Variants in PTPRN2 observed in about 807,000 individuals in gnomAD.
The protein encoded by PTPRN2 is receptor-type tyrosine-protein phosphatase N2.
PTPRN2 carries 74 observed loss-of-function variants against 118.8 expected under a neutral mutation model. The ratio of observed to expected loss-of-function variants is 0.62; its 90% CI spans 0.52 to 0.76. The LOEUF (loss-of-function observed/expected upper bound fraction) is 0.76, where lower values mean the gene tolerates loss of function less well. Among genes scored for constraint, PTPRN2 ranks in the 30% least tolerant of loss-of-function variants. The pLI is 0.00. For synonymous variants in PTPRN2, 641 were observed against 608.0 expected, an observed-to-expected ratio of 1.05 and a Z score of -0.80; for missense variants, 1,481 against 1,394.4, an observed-to-expected ratio of 1.06 and a Z score of -0.99.
intron 6 of PTPRN2, among the ~76,000 whole-genome samples, chr7:158,141,507 A>G (rs1484102713): frequency 2.0e-5 from 3 of 152,228 alleles, no homozygotes; most frequent in Non-Finnish European, 2.9e-5. Flanking sequence ...TCCAAACACA[A>G]GTGCCGATGG....
In PTPRN2 at chr7:157,742,732, C is replaced by T. The variant is rs1438012088; in HGVS notation, c.1789-59795G>A. Among the ~76,000 whole-genome samples the T allele has an allele frequency of 2.0e-5, 3 of 152,196 alleles. No individual in the cohort carries two copies. In the East Asian group the frequency reaches 5.8e-4, roughly 29 times the overall value. ...TTCTTTGTTTGAGCTTTGAACTCCTCACATAACCCCTTAACTGTCCTCTTG... is the reference window on the plus strand; with the variant it reads ...TTCTTTGTTTGAGCTTTGAACTCCTTACATAACCCCTTAACTGTCCTCTTG... On this transcript the variant is annotated intron_variant, in intron 12 of 22. Coordinates refer to ENST00000389418, the MANE Select transcript of PTPRN2 (RefSeq NM_002847.5).
At chr7:158,476,372 A>G (rs891156787) in intron 2 of PTPRN2, among the ~76,000 whole-genome samples, 1 of 152,258 alleles carries the variant, frequency 6.6e-6, no homozygotes, top group Non-Finnish European at 1.5e-5. Flanking sequence ...AAGCCACACC[A>G]GATAGCACCA....
At chr7:158,134,274 G>T (rs185591123) in intron 8 of PTPRN2, among the ~76,000 whole-genome samples, 1 of 152,022 alleles carries the variant, frequency 6.6e-6, no homozygotes, top group Admixed American at 6.5e-5. Flanking sequence ...AATCACTTAC[G>T]TGCTGTTTTC....
chr7:158,047,546 A>G (rs547903087), intron 11 of PTPRN2, among the ~76,000 whole-genome samples: 1 of 149,044 alleles, frequency 6.7e-6, no homozygotes, highest in African/African-American at 2.5e-5. Context: ...TGCGAGGGCT[A>G]CCTGCAGTCA....
Position 157,603,929 on chromosome 7 carries a change from C to T in PTPRN2, c.2418+73G>A. 1 of 1,430,782 alleles carries T rather than the reference C, an allele frequency of 7.0e-7. No homozygotes were observed. The highest frequency in any genetic ancestry group is 9.8e-7 in the Non-Finnish European group (1 of 1,020,238). 88.6% of individuals were successfully genotyped at this position (1,430,782 alleles called of 1,614,324 possible). ...TGGGGACGTGATTTCCCCCGAGAAC[C>T]TTCCCACGTGATTTGCCGCGTCCGT... On this transcript the variant is annotated intron_variant, in intron 16 of 22. Coordinates refer to ENST00000389418, the MANE Select transcript of PTPRN2 (RefSeq NM_002847.5). This position sits in a 1 kb window ranked among gnomAD's most constrained non-coding sequence, Gnocchi z 5.4.
intron 21 of PTPRN2, among the ~76,000 whole-genome samples, chr7:157,553,514 T>C (rs745376731): frequency 6.0e-4 from 91 of 152,308 alleles, no homozygotes; most frequent in Non-Finnish European, 9.0e-4. Flanking sequence ...ATAAAGTCTC[T>C]CTTATTTCAT....
At chr7:157,686,817 C>T (rs1222458195) in intron 12 of PTPRN2, among the ~76,000 whole-genome samples, 1 of 152,000 alleles carries the variant, frequency 6.6e-6, no homozygotes, top group African/African-American at 2.4e-5. Flanking sequence ...GGCAGGGGTG[C>T]GTCCCGGGTG....
intron 22 of PTPRN2, among the ~76,000 whole-genome samples, chr7:157,547,071 G>A (rs569476698): frequency 2.6e-5 from 4 of 152,302 alleles, no homozygotes; most frequent in South Asian, 4.1e-4. Flanking sequence ...GAACTCACCC[G>A]TCTGGAGGGA....
chr7:157,812,253 C>G (rs1215247529), intron 12 of PTPRN2, among the ~76,000 whole-genome samples: 1 of 152,160 alleles, frequency 6.6e-6, no homozygotes, highest in Admixed American at 6.5e-5. Context: ...GTGCTGGGAC[C>G]CTTGGGGCTT....
At chr7:158,385,543 C>T (rs560247307) in intron 2 of PTPRN2, among the ~76,000 whole-genome samples, 3 of 152,150 alleles carry the variant, frequency 2.0e-5, no homozygotes, top group Non-Finnish European at 4.4e-5. Context: ...AATTCCACAC[C>T]TTGTTTCATT....
intron 1 of PTPRN2, among the ~76,000 whole-genome samples, chr7:158,523,653 T>TGGAGG (rs1563393144): frequency 7.3e-6 from 1 of 136,368 alleles, no homozygotes; most frequent in Non-Finnish European, 1.6e-5. Flanking sequence ...GAGTCTGCCC[T>TGGAGG]GGAGTGGAGT....
intron 12 of PTPRN2, among the ~76,000 whole-genome samples, chr7:157,747,383 G>C (rs1223155875): frequency 7.5e-6 from 1 of 133,132 alleles, no homozygotes; most frequent in African/African-American, 2.9e-5. Flanking sequence ...TCCCTGAGCT[G>C]TGGGCTGTTG....
chr7:158,364,799 C>T (rs996583593), intron 2 of PTPRN2, among the ~76,000 whole-genome samples: 1 of 152,138 alleles, frequency 6.6e-6, no homozygotes, highest in Admixed American at 6.5e-5. Flanking sequence ...GGCATGTTTA[C>T]CTCTAAATAC....
At chr7:158,255,146 C>T (rs903911961) in intron 3 of PTPRN2, among the ~76,000 whole-genome samples, 9 of 152,178 alleles carry the variant, frequency 5.9e-5, no homozygotes, top group Non-Finnish European at 1.2e-4. Flanking sequence ...GGCTTCACGA[C>T]GTGTGAGCAA....
At chr7:157,730,632 C>T (rs1285152829) in intron 12 of PTPRN2, among the ~76,000 whole-genome samples, 2 of 152,220 alleles carry the variant, frequency 1.3e-5, no homozygotes, top group Admixed American at 6.5e-5. Context: ...GATTGCTTCA[C>T]GATGAAGGGT....
intron 12 of PTPRN2, among the ~76,000 whole-genome samples, chr7:157,718,704 A>G (rs1799065071): frequency 6.6e-6 from 1 of 150,648 alleles, no homozygotes; most frequent in Non-Finnish European, 1.5e-5. Flanking sequence ...CCCCAGGGTG[A>G]GTCTCAGCAC....
At chr7:158,025,616 T>TG (rs1251748636) in intron 11 of PTPRN2, among the ~76,000 whole-genome samples, 3 of 152,210 alleles carry the variant, frequency 2.0e-5, no homozygotes, top group African/African-American at 7.2e-5. Context: ...GTGACCACCT[T>TG]GGGGGATGAT....
chr7:158,204,645 A>G (rs564436272), intron 4 of PTPRN2, among the ~76,000 whole-genome samples: 3 of 152,186 alleles, frequency 2.0e-5, no homozygotes, highest in African/African-American at 7.2e-5. Context: ...CTATGACTCA[A>G]TTTCCTCACT....
Position 157,609,383 on chromosome 7 carries a change from C to CA in PTPRN2, c.2345-5309dup, listed in dbSNP as rs886314584. The stretch of plus-strand genomic sequence containing the variant: ...GGACAACAAGAGTGAAACTCTGTCT[C>CA]AAAAAAATTTTTTTTTAAATATAAA... On this transcript the variant is annotated intron_variant, in intron 15 of 22. Transcript: ENST00000389418. This position sits in a 1 kb window ranked among gnomAD's most constrained non-coding sequence, Gnocchi z 4.9. Among the ~76,000 whole-genome samples the CA allele has an allele frequency of 4.0e-5, 6 of 151,840 alleles. No individual in the cohort carries two copies. Among genetic ancestry groups the CA allele is most frequent in the East Asian group, 3.9e-4 (2 of 5,164 alleles).
Sources: allele counts gnomAD v4.1 joint callset (sites outside exome capture counted in the v4.1 genomes callset), GRCh38; gene constraint gnomAD v4.1.1; non-coding constraint Gnocchi (gnomAD v3.1); transcripts MANE v1.5; gene names NCBI Gene and HGNC (gene_info 2026-07-23, HGNC 2026-07-21).